Variants in SV2C observed in about 807,000 individuals in gnomAD.
SV2C encodes synaptic vesicle glycoprotein 2C, also known as solute carrier family 22 member B3.
SV2C carries 49 observed loss-of-function variants against 79.7 expected under a neutral mutation model. That is an observed-to-expected ratio of 0.61 (90% CI 0.49 to 0.78). The LOEUF is 0.78. Among genes scored for constraint, SV2C ranks in the 30% least tolerant of loss-of-function variants. The probability of loss-of-function intolerance (pLI) is 0.00; values close to 1 mark genes in which losing one functional copy is unlikely to be tolerated. For synonymous variants in SV2C, 334 were observed against 333.2 expected, an observed-to-expected ratio of 1.00 and a Z score of -0.03; for missense variants, 833 against 912.9, an observed-to-expected ratio of 0.91 and a Z score of 1.13.
the SV2C span, among the ~76,000 whole-genome samples, chr5:75,849,074 G>T: frequency 3.3e-5 from 5 of 152,070 alleles, 1 homozygote; most frequent in Non-Finnish European, 1.5e-5. Context: ...CTCCCCGTAT[G>T]CATGAAAGAA....
At chr5:76,308,925 G>A (rs1748309417) in intron 12 of SV2C, among the ~76,000 whole-genome samples, 1 of 152,106 alleles carries the variant, frequency 6.6e-6, no homozygotes, top group East Asian at 1.9e-4. Flanking sequence ...GAGTAAATCA[G>A]TTGTGGTCTT....
chr5:76,225,879 T>G (rs1288977870), intron 4 of SV2C, among the ~76,000 whole-genome samples: 1 of 152,202 alleles, frequency 6.6e-6, no homozygotes, highest in South Asian at 2.1e-4. Context: ...CATTTTGGGT[T>G]TGGCAAATGC....
the SV2C span, among the ~76,000 whole-genome samples, chr5:76,038,911 A>G: frequency 6.6e-6 from 1 of 152,224 alleles, no homozygotes; most frequent in Non-Finnish European, 1.5e-5. Context: ...CAGATAAGCC[A>G]TGGGAAACTT....
the SV2C span, among the ~76,000 whole-genome samples, chr5:76,009,422 A>C: frequency 7.9e-3 from 1,201 of 152,288 alleles, 24 homozygotes; most frequent in African/African-American, 0.028. Flanking sequence ...ATATATCCAG[A>C]AGAAAACAAA....
chr5:75,897,653 T>A, the SV2C span, among the ~76,000 whole-genome samples: 2 of 152,308 alleles, frequency 1.3e-5, no homozygotes, highest in East Asian at 1.9e-4. Flanking sequence ...ATAAATTACC[T>A]TGGGCAGTAT....
the SV2C span, among the ~76,000 whole-genome samples, chr5:75,925,801 A>T: frequency 1.3e-5 from 2 of 152,092 alleles, no homozygotes; most frequent in Admixed American, 6.5e-5. Flanking sequence ...TAAGCAATTT[A>T]AAAAAATTAT....
At chr5:76,154,762 C>A (rs1406577844) in intron 2 of SV2C, among the ~76,000 whole-genome samples, 2 of 152,138 alleles carry the variant, frequency 1.3e-5, no homozygotes, top group African/African-American at 4.8e-5. Context: ...GTATCTAAGA[C>A]AGGTCTTAAT....
At chr5:76,059,696 C>G in the SV2C span, among the ~76,000 whole-genome samples, 12 of 152,212 alleles carry the variant, frequency 7.9e-5, no homozygotes, top group African/African-American at 2.9e-4. Flanking sequence ...TTCTTCCAAA[C>G]TCCTGTTCAT....
chr5:76,082,575 T>TTC (rs1747028293), upstream of SV2C, among the ~76,000 whole-genome samples: 2 of 150,366 alleles, frequency 1.3e-5, no homozygotes, highest in African/African-American at 4.9e-5. Flanking sequence ...TTCTTTCTCT[T>TTC]TTTCTTTCTT....
At chr5:76,163,977 T>A (rs1031621208) in intron 2 of SV2C, among the ~76,000 whole-genome samples, 1 of 152,218 alleles carries the variant, frequency 6.6e-6, no homozygotes, top group Non-Finnish European at 1.5e-5. Context: ...GCTGGCTATA[T>A]GCCTTCTACA....
At chr5:75,917,793 T>G in the SV2C span, among the ~76,000 whole-genome samples, 3 of 151,824 alleles carry the variant, frequency 2.0e-5, no homozygotes, top group African/African-American at 7.2e-5. Flanking sequence ...ATAACTTAGT[T>G]GCATATTTTA....
chr5:75,918,033 A>G, the SV2C span, among the ~76,000 whole-genome samples: 5,014 of 152,316 alleles, frequency 0.033, 280 homozygotes, highest in African/African-American at 0.11. Flanking sequence ...ATATTATTAT[A>G]CTATAAAGCC....
the SV2C span, among the ~76,000 whole-genome samples, chr5:75,969,846 C>G: frequency 5.3e-5 from 8 of 152,090 alleles, no homozygotes; most frequent in Non-Finnish European, 1.0e-4. Context: ...ATAGAACTCT[C>G]CACCCCAAAT....
At chr5:75,944,495 A>G in the SV2C span, among the ~76,000 whole-genome samples, 12 of 152,158 alleles carry the variant, frequency 7.9e-5, no homozygotes, top group African/African-American at 2.9e-4. Flanking sequence ...CCCTAGTTAT[A>G]ACTAAAGCTC....
In SV2C at chr5:76,210,860, G is replaced by A. The variant is rs77315695; in HGVS notation, c.913+973G>A. On this transcript the variant is annotated intron_variant, in intron 4 of 12. Coordinates refer to ENST00000502798, the MANE Select transcript of SV2C (RefSeq NM_014979.4). ...AGAAGTGTCAGGAACCATGAATGAC[G>A]ACGAACACATATGTTTCTTATTATA... Among the ~76,000 whole-genome samples, 1,239 of 152,298 alleles carry A rather than the reference G, an allele frequency of 8.1e-3. 11 individuals carry two copies. Among genetic ancestry groups the A allele is most frequent in the African/African-American group, 0.028 (1,174 of 41,554 alleles).
chr5:76,283,848 G>A (rs956527736), intron 4 of SV2C, among the ~76,000 whole-genome samples: 3 of 152,168 alleles, frequency 2.0e-5, no homozygotes, highest in Non-Finnish European at 4.4e-5. Flanking sequence ...TCTGTCTCAA[G>A]TCCTGGCAGG....
At chr5:76,109,920 T>C (rs1278893374) in intron 1 of SV2C, among the ~76,000 whole-genome samples, 1 of 152,194 alleles carries the variant, frequency 6.6e-6, no homozygotes, top group Non-Finnish European at 1.5e-5. Flanking sequence ...ACTAATACAG[T>C]GGTTTATGTC....
chr5:76,340,367 C>T (rs1005888084), intron 12 of SV2C, among the ~76,000 whole-genome samples: 4 of 152,180 alleles, frequency 2.6e-5, no homozygotes, highest in African/African-American at 9.7e-5. Context: ...AACTTGTCTT[C>T]ACTTTACTGC....
the SV2C span, among the ~76,000 whole-genome samples, chr5:75,984,255 C>G: frequency 1.3e-5 from 2 of 152,144 alleles, no homozygotes; most frequent in Admixed American, 1.3e-4. Flanking sequence ...AGCAGATTTA[C>G]ATTCCAGTGA....
Sources: allele counts gnomAD v4.1 joint callset (sites outside exome capture counted in the v4.1 genomes callset), GRCh38; gene constraint gnomAD v4.1.1; transcripts MANE v1.5; gene names NCBI Gene and HGNC (gene_info 2026-07-23, HGNC 2026-07-21).